Variants in TGFBRAP1 observed in about 807,000 individuals in gnomAD.
TGFBRAP1 encodes transforming growth factor beta receptor associated protein 1.
Under a neutral mutation model 83.2 loss-of-function variants are expected in TGFBRAP1, and 20 were observed. That is an observed-to-expected ratio of 0.24 (90% confidence interval 0.17 to 0.35). The LOEUF (loss-of-function observed/expected upper bound fraction) is 0.35, where lower values mean the gene tolerates loss of function less well. Ranked by LOEUF, TGFBRAP1 falls within the 10% of genes least tolerant of loss-of-function variation. The probability of loss-of-function intolerance (pLI) is 1.00; values close to 1 mark genes in which losing one functional copy is unlikely to be tolerated. For synonymous variants in TGFBRAP1, 415 were observed against 459.8 expected (o/e 0.90, Z 1.25); for missense variants, 950 against 1,099.4 (o/e 0.86, Z 1.92).
Position 105,308,186 on chromosome 2 carries a change from A to G in TGFBRAP1, c.116T>C (p.Val39Ala). The G allele has an allele frequency of 6.2e-7, 1 of 1,614,208 alleles. No individual in the cohort carries two copies. The highest frequency in any genetic ancestry group is 1.7e-5 in the Admixed American group (1 of 60,026). ...GTAGACGAAGCAGTCGTTGGTGCCC[A>G]CGTAGAGGTCCCTGCCGCAGCACTC... The part of the protein sequence containing the change: ...CVECCGRDLY[V>A]GTNDCFVYHF... The change falls in exon 2 of 12, where the codon GTG becomes GCG. Residue 39 changes from valine to alanine, a missense_variant. Coordinates refer to ENST00000393359, the MANE Select transcript of TGFBRAP1 (RefSeq NM_004257.6).
At chr2:105,259,074 T>C in the TGFBRAP1 span, among the ~76,000 whole-genome samples, 3 of 152,316 alleles carry the variant, frequency 2.0e-5, no homozygotes, top group South Asian at 6.2e-4. Context: ...CTCTCAAGTT[T>C]GATGTGATGT....
chr2:105,290,745 C>T (rs1478127774), intron 4 of TGFBRAP1, among the ~76,000 whole-genome samples: 2 of 151,726 alleles, frequency 1.3e-5, no homozygotes, highest in Non-Finnish European at 2.9e-5. Context: ...TGGCTCACAC[C>T]TGTAGTCCTA....
intron 5 of TGFBRAP1, among the ~76,000 whole-genome samples, chr2:105,283,882 GA>G (rs1209955159): frequency 6.6e-6 from 1 of 152,234 alleles, no homozygotes; most frequent in East Asian, 1.9e-4. Flanking sequence ...GAGGATGACA[GA>G]AAGTTTCATA....
intron 1 of TGFBRAP1, among the ~76,000 whole-genome samples, chr2:105,313,903 C>A (rs1445081950): frequency 6.6e-6 from 1 of 151,848 alleles, no homozygotes; most frequent in African/African-American, 2.4e-5. Flanking sequence ...AAACAAGGAA[C>A]AAGACAAGAA....
intron 5 of TGFBRAP1, among the ~76,000 whole-genome samples, chr2:105,282,460 A>T (rs1677574532): frequency 6.6e-6 from 1 of 152,238 alleles, no homozygotes; most frequent in South Asian, 2.1e-4. Flanking sequence ...ATCACAATTT[A>T]TTAGCAACAT....
intron 2 of TGFBRAP1, among the ~76,000 whole-genome samples, chr2:105,307,123 G>A (rs1678526433): frequency 1.3e-5 from 2 of 152,120 alleles, no homozygotes; most frequent in Non-Finnish European, 1.5e-5. Context: ...AGACAGAGGT[G>A]GGAACTTCAA....
intron 4 of TGFBRAP1, among the ~76,000 whole-genome samples, chr2:105,287,166 G>A (rs571859155): frequency 4.0e-5 from 6 of 151,740 alleles, no homozygotes; most frequent in South Asian, 4.2e-4. Context: ...GAGACAGAAA[G>A]CAGAATGGGG....
At chr2:105,261,136 C>A (rs1381737437), downstream of TGFBRAP1, among the ~76,000 whole-genome samples, 1 of 152,152 alleles carries the variant, frequency 6.6e-6, no homozygotes, top group Non-Finnish European at 1.5e-5. Flanking sequence ...TGGGGTTTTA[C>A]CATAATGTGC....
At chr2:105,296,889 A>G (rs1678110033) in intron 3 of TGFBRAP1, among the ~76,000 whole-genome samples, 1 of 151,478 alleles carries the variant, frequency 6.6e-6, no homozygotes, top group Admixed American at 6.6e-5. Context: ...AGAATACACA[A>G]CATTTTTAAA....
the TGFBRAP1 span, among the ~76,000 whole-genome samples, chr2:105,251,329 T>A: frequency 6.8e-6 from 1 of 146,098 alleles, no homozygotes. Context: ...GAGGAGCGTC[T>A]CTGCCCGGCC....
chr2:105,316,813 CAA>C (rs5833133), intron 1 of TGFBRAP1, among the ~76,000 whole-genome samples: 8 of 87,878 alleles, frequency 9.1e-5, no homozygotes, highest in African/African-American at 1.4e-4. Flanking sequence ...GACTCTGTCT[CAA>C]AAAAAAAAAA....
chr2:105,275,652 G>C lies in TGFBRAP1; in HGVS notation c.1573C>G (p.Leu525Val). The C allele has an allele frequency of 6.2e-7, 1 of 1,614,162 alleles. No individual in the cohort carries two copies. Among genetic ancestry groups the C allele is most frequent in the Non-Finnish European group, 8.5e-7 (1 of 1,180,036 alleles). Residue 525 changes from leucine (L) to valine (V), a missense_variant, in exon 8 of 12, where the codon CTG (leucine) becomes GTG (valine). Coordinates refer to ENST00000393359, the MANE Select transcript of TGFBRAP1 (RefSeq NM_004257.6). ...GDVQDSTRSD[L>V]YEYIVDFLTY... is the part of the protein sequence containing the mutation. ...AGAAAATCCACGATGTATTCATACA[G>C]GTCTGAGCGTGTGGAGTCCTGGACA...
the TGFBRAP1 span, among the ~76,000 whole-genome samples, chr2:105,253,425 G>A: frequency 6.6e-6 from 1 of 151,978 alleles, no homozygotes; most frequent in African/African-American, 2.4e-5. Flanking sequence ...GAGCCACCGC[G>A]CCTGGCCTTG....
chr2:105,264,066 C>G (rs1031039661), downstream of TGFBRAP1, among the ~76,000 whole-genome samples: 1 of 152,126 alleles, frequency 6.6e-6, no homozygotes, highest in Non-Finnish European at 1.5e-5. Flanking sequence ...TTAAAAGGTA[C>G]GATTTTGTAA....
rs143005481 is a variant in TGFBRAP1, at chr2:105,273,624, C to T, written c.1732G>A (p.Asp578Asn). 1.1e-4 allele frequency: 173 copies of T among 1,614,168 alleles called. No homozygotes were observed. Among genetic ancestry groups the T allele is most frequent in the Non-Finnish European group, 1.4e-4 (162 of 1,180,030 alleles). The part of the protein sequence containing the change: ...EQQKNSFNPD[D>N]IINCLKKYPK... ...TATTTTTTAAGGCAATTGATAATGT[C>T]GTCTGGATTAAAACTGTTCTTCTGC... The change falls in exon 9 of 12, where the codon GAC (aspartate) becomes AAC (asparagine). Residue 578 changes from aspartate (D) to asparagine (N), a missense_variant. Transcript: ENST00000393359.
At chr2:105,325,463 G>A (rs778014044) in intron 1 of TGFBRAP1, among the ~76,000 whole-genome samples, 25 of 152,214 alleles carry the variant, frequency 1.6e-4, no homozygotes, top group Admixed American at 4.6e-4. Flanking sequence ...GTTTTTGTTC[G>A]TGACTCCAAG....
At chr2:105,254,110 C>T in the TGFBRAP1 span, among the ~76,000 whole-genome samples, 1 of 151,620 alleles carries the variant, frequency 6.6e-6, no homozygotes, top group East Asian at 1.9e-4. Context: ...AATGAGCATC[C>T]TTGACATAAA....
At chr2:105,308,842 G>A (rs756474614) in intron 1 of TGFBRAP1, among the ~76,000 whole-genome samples, 2 of 152,150 alleles carry the variant, frequency 1.3e-5, no homozygotes, top group Non-Finnish European at 2.9e-5. Context: ...ACAGCTACTT[G>A]AATATGCACT....
At chr2:105,296,782 T>TTA (rs1185641954) in intron 3 of TGFBRAP1, among the ~76,000 whole-genome samples, 2 of 147,558 alleles carry the variant, frequency 1.4e-5, no homozygotes, top group African/African-American at 5.0e-5. Context: ...TTTTTTTTTT[T>TTA]TACTGAGAAA....
Sources: gnomAD v4.1 joint callset for allele counts (sites outside exome capture counted in the v4.1 genomes callset) on GRCh38, gnomAD v4.1.1 for gene constraint, MANE v1.5 for transcripts, NCBI Gene and HGNC (gene_info 2026-07-23, HGNC 2026-07-21) for gene names.